Variants in SCAPER observed in about 807,000 individuals in gnomAD.
SCAPER encodes S-phase cyclin A associated protein in the ER, also known as S phase cyclin A-associated protein in the endoplasmic reticulum.
A neutral mutation model predicts 182.2 loss-of-function variants in SCAPER; 98 were observed. That is an observed-to-expected ratio of 0.54 (90% CI 0.46 to 0.64). The LOEUF (loss-of-function observed/expected upper bound fraction) is 0.64. SCAPER is among the 30% of genes least tolerant of loss of function. SCAPER has a pLI of 0.00. For missense variants in SCAPER, 1,432 were observed against 1,690.0 expected (o/e 0.85, Z 2.68); for synonymous variants, 605 against 564.6 (o/e 1.07, Z -1.01).
Position 76,755,236 on chromosome 15 carries a change from C to T in SCAPER, c.1726-1288G>A, listed in dbSNP as rs188073432. ...AAATAATACATTGACTCTTGCAGAA[C>T]CCCACAAGAGACTGCTTTTCATATC... On this transcript the variant is annotated intron_variant, in intron 14 of 31. Transcript: ENST00000563290. Among the ~76,000 whole-genome samples the T allele has an allele frequency of 2.3e-3, 344 of 152,256 alleles. 1 individual carries two copies. The highest frequency in any genetic ancestry group is 0.014 in the Middle Eastern group (4 of 294).
At chr15:76,675,686 A>G (rs280017) in intron 20 of SCAPER, among the ~76,000 whole-genome samples, 147,840 of 152,254 alleles carry the variant, frequency 0.97, 71,909 homozygotes, top group South Asian at 1. Flanking sequence ...GTACACTAAC[A>G]GGATCCATAT....
chr15:76,350,005 AAATAC>A (rs1298627497), intron 31 of SCAPER: 1 of 152,244 alleles, frequency 6.6e-6, no homozygotes. Flanking sequence ...AATTGAAAAT[AAATAC>A]ATTAGATTTT....
intron 17 of SCAPER, among the ~76,000 whole-genome samples, chr15:76,726,124 A>AATATATATATATATATAT (rs765875424): frequency 2.0e-4 from 3 of 15,354 alleles, no homozygotes; most frequent in Non-Finnish European, 3.5e-4. Context: ...TAATGTCTAG[A>AATATATATATATATATAT]ATATATATAT....
At chr15:76,710,144 TAGA>T (rs1379731119) in intron 17 of SCAPER, among the ~76,000 whole-genome samples, 3 of 152,034 alleles carry the variant, frequency 2.0e-5, no homozygotes, top group Non-Finnish European at 4.4e-5. Flanking sequence ...GAACATTACA[TAGA>T]AGGAGCAATC....
intron 8 of SCAPER, among the ~76,000 whole-genome samples, chr15:76,789,266 T>C (rs539330342): frequency 2.0e-5 from 3 of 152,180 alleles, no homozygotes; most frequent in South Asian, 2.1e-4. Flanking sequence ...AGATGAATCA[T>C]ATAAAAACCA....
At chr15:76,355,873 G>A (rs918410623) in intron 29 of SCAPER, among the ~76,000 whole-genome samples, 3 of 152,230 alleles carry the variant, frequency 2.0e-5, no homozygotes, top group Non-Finnish European at 4.4e-5. Context: ...ATGACCAGCA[G>A]TGTAGTGAGA....
intron 23 of SCAPER, among the ~76,000 whole-genome samples, chr15:76,527,780 G>T (rs1404060256): frequency 1.3e-5 from 2 of 152,132 alleles, no homozygotes. Flanking sequence ...CTAGTCCATA[G>T]AAATCCCAGT....
At chr15:76,720,656 G>C (rs1016040598) in intron 17 of SCAPER, among the ~76,000 whole-genome samples, 3 of 152,176 alleles carry the variant, frequency 2.0e-5, no homozygotes, top group Admixed American at 6.5e-5. Flanking sequence ...TTGTGGTTTT[G>C]ATTTGCATTT....
intron 26 of SCAPER, among the ~76,000 whole-genome samples, chr15:76,417,073 A>AG (rs1233777617): frequency 6.6e-6 from 1 of 152,164 alleles, no homozygotes; most frequent in African/African-American, 2.4e-5. Context: ...CTCTAAAAAA[A>AG]TAAAAAATAA....
intron 8 of SCAPER, among the ~76,000 whole-genome samples, chr15:76,775,363 TAATA>T (rs1183609026): frequency 6.6e-6 from 1 of 152,146 alleles, no homozygotes; most frequent in Non-Finnish European, 1.5e-5. Context: ...CAGTGAGTAA[TAATA>T]AATATTTAAA....
chr15:76,742,385 A>C (rs1237802664), intron 15 of SCAPER, among the ~76,000 whole-genome samples: 1 of 2,784 alleles, frequency 3.6e-4, no homozygotes, highest in African/African-American at 4.7e-4. Flanking sequence ...TTTAACTGAT[A>C]AAAAAAAACA....
At chr15:76,554,487 C>A (rs1031615793) in intron 23 of SCAPER, among the ~76,000 whole-genome samples, 1 of 152,172 alleles carries the variant, frequency 6.6e-6, no homozygotes, top group Admixed American at 6.5e-5. Context: ...CTGAGAACCA[C>A]TGTGAGACAG....
intron 23 of SCAPER, among the ~76,000 whole-genome samples, chr15:76,572,684 T>C (rs924985615): frequency 2.6e-5 from 4 of 152,106 alleles, no homozygotes; most frequent in Non-Finnish European, 4.4e-5. Flanking sequence ...TAGGAACTTG[T>C]TAGGAATACA....
At chr15:76,464,187 C>T (rs1302345128) in intron 25 of SCAPER, among the ~76,000 whole-genome samples, 2 of 151,980 alleles carry the variant, frequency 1.3e-5, no homozygotes, top group African/African-American at 4.8e-5. Context: ...CCCCTTGGTC[C>T]CTGGCAACCA....
At chr15:76,899,946 C>T (rs568804553) in intron 1 of SCAPER, among the ~76,000 whole-genome samples, 31 of 152,306 alleles carry the variant, frequency 2.0e-4, no homozygotes, top group African/African-American at 7.2e-4. Flanking sequence ...GTTACTGTGT[C>T]TGTGTAGAAA....
intron 24 of SCAPER, among the ~76,000 whole-genome samples, chr15:76,485,886 G>C (rs1234576679): frequency 6.6e-6 from 1 of 152,062 alleles, no homozygotes; most frequent in Non-Finnish European, 1.5e-5. Context: ...AAATTAACTC[G>C]AGATGGATTA....
At chr15:76,606,789 T>C (rs1380172949) in intron 22 of SCAPER, among the ~76,000 whole-genome samples, 1 of 152,046 alleles carries the variant, frequency 6.6e-6, no homozygotes, top group Non-Finnish European at 1.5e-5. Flanking sequence ...TTTGTCTCTT[T>C]TGATCTTTGT....
chr15:76,870,966 T>C (rs552458982), intron 2 of SCAPER, among the ~76,000 whole-genome samples: 1 of 152,196 alleles, frequency 6.6e-6, no homozygotes, highest in Non-Finnish European at 1.5e-5. Context: ...CAAAAAACCT[T>C]AGAAGTAGTT....
chr15:76,669,995 T>C (rs959326878), intron 20 of SCAPER, among the ~76,000 whole-genome samples: 6 of 152,212 alleles, frequency 3.9e-5, no homozygotes, highest in Admixed American at 1.3e-4. Flanking sequence ...TCCAGAACTA[T>C]CAAGAATCAT....
Sources: gnomAD v4.1 joint callset for allele counts (sites outside exome capture counted in the v4.1 genomes callset) on GRCh38, gnomAD v4.1.1 for gene constraint, MANE v1.5 for transcripts, NCBI Gene and HGNC (gene_info 2026-07-23, HGNC 2026-07-21) for gene names.